Variants in CPS1 observed in about 807,000 individuals in gnomAD.
CPS1 encodes the protein carbamoyl-phosphate synthase 1, also known as carbamoyl-phosphate synthase [ammonia], mitochondrial.
CPS1 carries 109 observed loss-of-function variants against 174.6 expected under a neutral mutation model. That is an observed-to-expected ratio of 0.62 (90% CI 0.53 to 0.73). CPS1 has a LOEUF of 0.73. Among genes scored for constraint, CPS1 ranks in the 30% least tolerant of loss-of-function variants. CPS1 has a pLI of 0.00. For synonymous variants in CPS1, 637 were observed against 632.0 expected (o/e 1.01, Z -0.12); for missense variants, 1,689 against 1,821.9 (o/e 0.93, Z 1.33).
intron 1 of CPS1, among the ~76,000 whole-genome samples, chr2:210,566,666 G>T (rs537475260): frequency 6.6e-6 from 1 of 152,140 alleles, no homozygotes; most frequent in Admixed American, 6.6e-5. Flanking sequence ...TTCAGAAACC[G>T]CTGCTCTTCC....
intron 19 of CPS1, among the ~76,000 whole-genome samples, chr2:210,609,457 A>G (rs528483887): frequency 6.6e-6 from 1 of 152,110 alleles, no homozygotes; most frequent in African/African-American, 2.4e-5. Flanking sequence ...CACCTATAAA[A>G]TAGAAATAAT....
At chr2:210,559,983 C>T (rs893715036) in intron 1 of CPS1, among the ~76,000 whole-genome samples, 8 of 151,988 alleles carry the variant, frequency 5.3e-5, no homozygotes, top group Non-Finnish European at 1.0e-4. Flanking sequence ...AGGGTTAGAT[C>T]AAAGAGTCCT....
In CPS1 at chr2:210,673,487, C is replaced by G. The variant is rs1427587706; in HGVS notation, c.4102-1415C>G. 3.9e-5 allele frequency: 6 copies of G among 152,266 alleles called. No individual in the cohort carries two copies. The East Asian group carries it at 1.2e-3, about 29-fold the overall frequency. The allele number at this position is 152,266 out of a possible 1,614,324, so 9.4% of individuals were successfully genotyped here. A position where few individuals can be genotyped will look rare whatever the true frequency, so the allele number is the denominator to read the frequency against. The stretch of plus-strand genomic sequence containing the variant: ...GTCCTAGGAAAGACACAGCAATGGA[C>G]TACAGGAAAATATCTGAACAGTGAG... On this transcript the variant is annotated intron_variant, in intron 34 of 37. Coordinates refer to ENST00000233072, the MANE Select transcript of CPS1 (RefSeq NM_001875.5).
intron 25 of CPS1, among the ~76,000 whole-genome samples, chr2:210,646,156 A>G (rs1408484740): frequency 6.6e-6 from 1 of 152,204 alleles, no homozygotes; most frequent in Non-Finnish European, 1.5e-5. Flanking sequence ...GTTTAAAAAA[A>G]TTATTCTAAA....
chr2:210,480,392 T>A (rs1250092239), intron 1 of CPS1, among the ~76,000 whole-genome samples: 1 of 152,234 alleles, frequency 6.6e-6, no homozygotes, highest in Non-Finnish European at 1.5e-5. Context: ...AGGGGAAGAC[T>A]GACTTTGGTG....
At chr2:210,625,036 T>A (rs1321135616) in intron 21 of CPS1, among the ~76,000 whole-genome samples, 1 of 152,078 alleles carries the variant, frequency 6.6e-6, no homozygotes, top group Admixed American at 6.5e-5. Context: ...ATATATTTAC[T>A]TGATGGCATT....
At chr2:210,593,516 T>C (rs1315885983) in intron 11 of CPS1, 3 of 987,204 alleles carry the variant, frequency 3.0e-6, no homozygotes, top group Non-Finnish European at 3.6e-6. Context: ...ATTTTTACTT[T>C]TTTGTGTGTG....
At position 210,566,959 on chromosome 2, in the gene CPS1, G is replaced by A. The variant is rs902035993; in HGVS notation, c.127-6339G>A. On this transcript the variant is annotated intron_variant, in intron 1 of 37. Coordinates refer to ENST00000233072, the MANE Select transcript of CPS1 (RefSeq NM_001875.5). ...GAAGTAAGATACCTTTCCCAGAACA[G>A]TATAAATTTATTATTCAAATCCAAA... 3.3e-5 allele frequency among the ~76,000 whole-genome samples: 5 copies of A among 152,020 alleles called. No individual in the cohort carries two copies. In the East Asian group the frequency reaches 7.7e-4, roughly 24 times the overall value.
intron 5 of CPS1, 92 bp downstream of exon 5, chr2:210,579,862 A>G (rs1447919777): frequency 1.9e-6 from 2 of 1,031,538 alleles, no homozygotes; most frequent in African/African-American, 3.1e-5. Context: ...TAAGGGATCC[A>G]TTAATATGTA....
Position 210,512,975 on chromosome 2 carries a change from TATATATGG to T in CPS1, c.3+35211_3+35218del, listed in dbSNP as rs1695559278. On this transcript the variant is annotated intron_variant, in intron 1 of 38. Transcript: ENST00000430249. ...ATGGAGATATATATATGGAGATATATATATATGGAGAGATATATATATGGAGATATATA... is the reference window on the plus strand; with the variant it reads ...ATGGAGATATATATATGGAGATATATAGAGATATATATATGGAGATATATA... Among the ~76,000 whole-genome samples, 2 of 31,066 alleles carry T rather than the reference TATATATGG, an allele frequency of 6.4e-5. 1 individual carries two copies. Among genetic ancestry groups the T allele is most frequent in the Non-Finnish European group, 2.1e-4 (2 of 9,552 alleles). The allele number at this position is 31,066 out of a possible 152,430, so 20.4% of individuals were successfully genotyped here. A position where few individuals can be genotyped will look rare whatever the true frequency, so the allele number is the denominator to read the frequency against.
chr2:210,599,608 T>G (rs1469540970), intron 14 of CPS1, 47 bp downstream of exon 14: 2 of 1,555,038 alleles, frequency 1.3e-6, no homozygotes, highest in Non-Finnish European at 1.8e-6. Flanking sequence ...TATGCACTGC[T>G]GTGTAATGTA....
chr2:210,518,463 A>G (rs1179281027), intron 1 of CPS1, among the ~76,000 whole-genome samples: 1 of 152,036 alleles, frequency 6.6e-6, no homozygotes. Flanking sequence ...AATGGAATGA[A>G]GGTGGAAGTA....
At chr2:210,672,737 T>C (rs368008913) in intron 34 of CPS1, 1 of 152,166 alleles carries the variant, frequency 6.6e-6, no homozygotes, top group African/African-American at 2.4e-5. Flanking sequence ...AAAGCTACTT[T>C]CCTGGGCATG....
Position 210,591,873 on chromosome 2 carries a change from T to C in CPS1, c.990T>C (p.Ala330=), listed in dbSNP as rs2106111046. ...QPVLNITNKQ[A]FITAQNHGYA... ...TTTTGAATATCACAAACAAACAGGC[T>C]TTCATTACTGCTCAGAATCATGGCT... Residue 330 remains alanine, a synonymous_variant, in exon 10 of 38, where the codon GCT becomes GCC. Coordinates refer to ENST00000233072, the MANE Select transcript of CPS1 (RefSeq NM_001875.5). 1 of 1,612,596 alleles carries C rather than the reference T, an allele frequency of 6.2e-7. No individual in the cohort carries two copies. The highest frequency in any genetic ancestry group is 8.5e-7 in the Non-Finnish European group (1 of 1,179,092).
chr2:210,608,271 C>G (rs1480943760), intron 18 of CPS1, 90 bp from the exon 19 acceptor site: 10 of 1,216,692 alleles, frequency 8.2e-6, no homozygotes, highest in African/African-American at 1.5e-5. Flanking sequence ...TAGAATAATA[C>G]CAGAAATTTT....
At chr2:210,494,906 G>A (rs922216784) in intron 1 of CPS1, among the ~76,000 whole-genome samples, 5 of 152,146 alleles carry the variant, frequency 3.3e-5, no homozygotes, top group Admixed American at 3.3e-4. Flanking sequence ...ACTGATGCTT[G>A]ACAATATAAG....
At chr2:210,551,400 T>G (rs1240361447) in intron 1 of CPS1, among the ~76,000 whole-genome samples, 2 of 152,040 alleles carry the variant, frequency 1.3e-5, no homozygotes, top group Non-Finnish European at 2.9e-5. Context: ...GCCTAGAATA[T>G]ATACTCCATG....
chr2:210,557,684 T>C (rs1454593311), intron 1 of CPS1, among the ~76,000 whole-genome samples: 1 of 152,138 alleles, frequency 6.6e-6, no homozygotes, highest in African/African-American at 2.4e-5. Flanking sequence ...TAAGTTTAAG[T>C]AATTATATTA....
Position 210,502,645 on chromosome 2 carries a change from G to A in CPS1, c.3+24879G>A, listed in dbSNP as rs1559738531. On this transcript the variant is annotated intron_variant, in intron 1 of 38. Coordinates refer to the CPS1 transcript ENST00000430249. ...GACAGGAGAGAGAAAAAAGCAAAGA[G>A]CAAAACAACTCCACTCTAAAGGGAA... Among the ~76,000 whole-genome samples, 3 of 152,004 alleles carry A rather than the reference G, an allele frequency of 2.0e-5. No homozygotes were observed. In the East Asian group the frequency reaches 5.8e-4, roughly 29 times the overall value.
Sources: allele counts gnomAD v4.1 joint callset (sites outside exome capture counted in the v4.1 genomes callset), GRCh38; gene constraint gnomAD v4.1.1; transcripts MANE v1.5; gene names NCBI Gene and HGNC (gene_info 2026-07-23, HGNC 2026-07-21).